VSIR: variants seen among roughly 807,000 people sequenced by gnomAD.
VSIR encodes V-set immunoregulatory receptor.
VSIR carries 10 observed loss-of-function variants against 31.0 expected under a neutral mutation model. That is an observed-to-expected ratio of 0.32 (90% CI 0.20 to 0.55). VSIR has a LOEUF of 0.55. VSIR is among the 20% of genes least tolerant of loss of function. The pLI, the probability that VSIR is intolerant of heterozygous loss-of-function variation, is 0.93. For missense variants in VSIR, 356 were observed against 416.2 expected, an observed-to-expected ratio of 0.86 and a Z score of 1.26; for synonymous variants, 179 against 180.1, an observed-to-expected ratio of 0.99 and a Z score of 0.05.
intron 3 of VSIR, among the ~76,000 whole-genome samples, chr10:71,757,840 G>T (rs968912348): frequency 1.3e-5 from 2 of 152,196 alleles, no homozygotes; most frequent in African/African-American, 4.8e-5. Context: ...GCTGCGCTGG[G>T]GGGTGGGAAG....
chr10:71,760,114 T>C lies in VSIR; in HGVS notation c.568+754A>G, dbSNP rs1840305088. Among the ~76,000 whole-genome samples, 2 of 93,868 alleles carry C rather than the reference T, an allele frequency of 2.1e-5. 1 individual carries two copies. The highest frequency in any genetic ancestry group is 4.8e-5 in the Non-Finnish European group (2 of 41,320). The allele number at this position is 93,868 out of a possible 152,430, so 61.6% of individuals were successfully genotyped here. A position where few individuals can be genotyped will look rare whatever the true frequency, so the allele number is the denominator to read the frequency against. The stretch of plus-strand genomic sequence containing the variant: ...ATATACACACACACATACATACATA[T>C]ATGTGTGTATATATATGTATATACA... On this transcript the variant is annotated intron_variant, in intron 3 of 6. Transcript: ENST00000394957.
rs1398056456 is a variant in VSIR, at chr10:71,751,820, G to T, written c.746C>A (p.Pro249Gln). The T allele has an allele frequency of 1.3e-6, 2 of 1,574,806 alleles. No homozygotes were observed. The highest frequency in any genetic ancestry group is 1.7e-6 in the Non-Finnish European group (2 of 1,161,786). ...GGCCTCGGGTATCCCCTGGGCAGGT[G>T]GTGAGGCTTCAAAGCCGGGGTTTTC... ...GIENPGFEAS[P>Q]PAQGIPEAKV... is the part of the protein sequence containing the mutation. The change falls in exon 6 of 7, where the codon CCA becomes CAA. Residue 249 changes from proline to glutamine, a missense_variant. Coordinates refer to ENST00000394957, the MANE Select transcript of VSIR (RefSeq NM_022153.2). This position sits in a 1 kb window ranked among gnomAD's most constrained non-coding sequence, Gnocchi z 4.9.
chr10:71,768,668 C>T (rs1025633893), intron 1 of VSIR, among the ~76,000 whole-genome samples: 3 of 151,866 alleles, frequency 2.0e-5, no homozygotes, highest in African/African-American at 7.3e-5. Flanking sequence ...GATGGGGTCT[C>T]GTTATGTTGT....
At chr10:71,763,443 A>G (rs1840449540) in intron 1 of VSIR, among the ~76,000 whole-genome samples, 1 of 152,222 alleles carries the variant, frequency 6.6e-6, no homozygotes, top group Admixed American at 6.5e-5. Context: ...GCCCAGAACC[A>G]ATATAATGCC....
At position 71,749,654 on chromosome 10, in the gene VSIR, C is replaced by G. The variant is rs1839943097; in HGVS notation, c.*1599G>C. ...CTCTCCTCAAAGCCCCTGGCCCAGC[C>G]CAGGCAGAGCAGGAGGCCCTCAGTG... On this transcript the variant is annotated 3_prime_UTR_variant, in exon 7 of 7. Transcript: ENST00000394957. The G allele has an allele frequency of 6.6e-6, 1 of 152,338 alleles. No homozygotes were observed. Among genetic ancestry groups the G allele is most frequent in the Non-Finnish European group, 1.5e-5 (1 of 68,134 alleles). 9.4% of individuals were successfully genotyped at this position (152,338 alleles called of 1,614,324 possible). A position where few individuals can be genotyped will look rare whatever the true frequency, so the allele number is the denominator to read the frequency against.
In VSIR at chr10:71,749,975, G is replaced by A. The variant is rs970830907; in HGVS notation, c.*1278C>T. The A allele has an allele frequency of 7.2e-5, 11 of 152,370 alleles. No homozygotes were observed. The highest frequency in any genetic ancestry group is 1.3e-4 in the Non-Finnish European group (9 of 68,200). The allele number at this position is 152,370 out of a possible 1,614,324, so 9.4% of individuals were successfully genotyped here. A position where few individuals can be genotyped will look rare whatever the true frequency, so the allele number is the denominator to read the frequency against. On this transcript the variant is annotated 3_prime_UTR_variant, in exon 7 of 7. Transcript: ENST00000394957. ...ACCTGGGGCCCCCATCCTGCTAAAC[G>A]CTACAGGGGGTCTGCCCAGCCCCAC... is the stretch of plus-strand genomic sequence containing the variant.
In VSIR at chr10:71,751,262, C is replaced by T. The variant is rs752104318; in HGVS notation, c.927G>A (p.Glu309=). Reference sequence around the variant, plus strand: ...CTGTCCCCCAGCTGGGCTAGATGACCTCAAAGTTTGGAGAGTCAGGGACAG... The same window carrying T: ...CTGTCCCCCAGCTGGGCTAGATGACTTCAAAGTTTGGAGAGTCAGGGACAG... ...LDPVPDSPNF[E]VI Residue 309 remains glutamate, a synonymous_variant, in exon 7 of 7, where the codon GAG becomes GAA. Coordinates refer to ENST00000394957, the MANE Select transcript of VSIR (RefSeq NM_022153.2). The surrounding 1 kb of genome is among the most constrained non-coding windows in gnomAD (Gnocchi z 4.9). 3 of 1,610,150 alleles carry T rather than the reference C, an allele frequency of 1.9e-6. No individual in the cohort carries two copies. Among genetic ancestry groups the T allele is most frequent in the Non-Finnish European group, 2.5e-6 (3 of 1,177,928 alleles).
At chr10:71,762,073 C>T (rs41281326) in intron 1 of VSIR, 47 bp from the exon 2 acceptor site, 134,013 of 1,534,040 alleles carry the variant, frequency 0.087, 13,062 homozygotes, top group African/African-American at 0.5. Flanking sequence ...TCCAGTGCTA[C>T]TCCTGGCAAC....
chr10:71,760,226 T>TAC lies in VSIR; in HGVS notation c.568+641_568+642insGT, dbSNP rs1342038612. Among the ~76,000 whole-genome samples, 271 of 36,654 alleles carry TAC rather than the reference T, an allele frequency of 7.4e-3. 82 individuals are homozygous for TAC. Among genetic ancestry groups the TAC allele is most frequent in the African/African-American group, 0.025 (253 of 10,128 alleles). 24.0% of individuals were successfully genotyped at this position (36,654 alleles called of 152,430 possible). On this transcript the variant is annotated intron_variant, in intron 3 of 6. Transcript: ENST00000394957. ...ATATATGTGTGTATATATGTGTATATATATGTATATACATATATATGTATG... is the reference window on the plus strand; with the variant it reads ...ATATATGTGTGTATATATGTGTATATACATATGTATATACATATATATGTATG...
chr10:71,760,153 A>ATATATGTG (rs1313476541), intron 3 of VSIR, among the ~76,000 whole-genome samples: 5 of 34,744 alleles, frequency 1.4e-4, no homozygotes, highest in African/African-American at 3.2e-4. Flanking sequence ...ATATGTGTGT[A>ATATATGTG]TATATATGTA....
chr10:71,763,056 A>C (rs1245786712), intron 1 of VSIR, among the ~76,000 whole-genome samples: 2 of 152,240 alleles, frequency 1.3e-5, no homozygotes, highest in Non-Finnish European at 2.9e-5. Flanking sequence ...TATTGGCTAC[A>C]ATGCAGGGTT....
intron 1 of VSIR, among the ~76,000 whole-genome samples, chr10:71,769,489 A>C (rs1287061839): frequency 6.6e-5 from 10 of 152,258 alleles, no homozygotes; most frequent in Non-Finnish European, 1.5e-4. Context: ...GATTTAAAGA[A>C]AAAAATAAGT....
rs1413573955 is a variant in VSIR at position 71,759,882 on chromosome 10, C to CATAT, written c.568+985_568+986insATAT. Among the ~76,000 whole-genome samples, 25 of 63,830 alleles carry CATAT rather than the reference C, an allele frequency of 3.9e-4. 3 individuals carry two copies. The East Asian group carries it at 6.3e-3, about 16-fold the overall frequency. The allele number at this position is 63,830 out of a possible 152,430, so 41.9% of individuals were successfully genotyped here. On this transcript the variant is annotated intron_variant, in intron 3 of 6. Coordinates refer to ENST00000394957, the MANE Select transcript of VSIR (RefSeq NM_022153.2). ...ACACACACATATATATACACACACA[C>CATAT]ACATATACACACACACATATATACA...
At chr10:71,755,323 A>G in intron 4 of VSIR, 36 bp downstream of exon 4, 1 of 1,571,972 alleles carries the variant, frequency 6.4e-7, no homozygotes, top group Non-Finnish European at 8.7e-7. Flanking sequence ...GGTCACTCGC[A>G]CCGTCCACCC....
intron 4 of VSIR, among the ~76,000 whole-genome samples, chr10:71,754,032 G>C (rs1236316830): frequency 6.6e-6 from 1 of 152,220 alleles, no homozygotes. Context: ...CCAGCAAACT[G>C]CCGTCCTCAA....
intron 5 of VSIR, among the ~76,000 whole-genome samples, 176 bp downstream of exon 5, chr10:71,752,799 C>A (rs187991087): frequency 3.9e-5 from 6 of 152,116 alleles, no homozygotes; most frequent in Non-Finnish European, 2.9e-5. Context: ...CCTGCTGAGT[C>A]GGGGTGGCAG....
In VSIR at chr10:71,760,932, A is replaced by T. The variant is rs371897554; in HGVS notation, c.512-8T>A. On this transcript the variant is annotated splice_polypyrimidine_tract_variant and splice_region_variant and intron_variant, in intron 2 of 6. Transcript: ENST00000394957. ...TGGATGGTGCATCTTTGCCTGTGGG[A>T]ACAAACAGAAGGGCCATTAGGTGGG... The T allele has an allele frequency of 6.8e-6, 11 of 1,613,630 alleles. No individual in the cohort carries two copies. Among genetic ancestry groups the T allele is most frequent in the Non-Finnish European group, 5.9e-6 (7 of 1,179,776 alleles).
chr10:71,770,715 G>A (rs905276845), intron 1 of VSIR, among the ~76,000 whole-genome samples: 4 of 152,184 alleles, frequency 2.6e-5, no homozygotes, highest in African/African-American at 4.8e-5. Context: ...TGCGGATAGG[G>A]AGGTGACCCC....
At chr10:71,762,822 C>A (rs1335319502) in intron 1 of VSIR, among the ~76,000 whole-genome samples, 2 of 152,232 alleles carry the variant, frequency 1.3e-5, no homozygotes, top group Non-Finnish European at 2.9e-5. Context: ...CTCATCCATG[C>A]ACGTCCTTCC....
Sources: allele counts gnomAD v4.1 joint callset (sites outside exome capture counted in the v4.1 genomes callset), GRCh38; gene constraint gnomAD v4.1.1; non-coding constraint Gnocchi (gnomAD v3.1); transcripts MANE v1.5; gene names NCBI Gene and HGNC (gene_info 2026-07-23, HGNC 2026-07-21).